SLC35E2B: variants seen among roughly 807,000 people sequenced by gnomAD.
SLC35E2B encodes solute carrier family 35, member E2B.
Under a neutral mutation model 32.4 loss-of-function variants are expected in SLC35E2B, and 18 were observed. The observed-to-expected ratio is 0.56, with a 90% confidence interval of 0.38 to 0.82. The LOEUF is 0.82. SLC35E2B is among the 40% of genes least tolerant of loss of function. SLC35E2B has a pLI of 0.00. For missense variants in SLC35E2B, 263 were observed against 469.5 expected, an observed-to-expected ratio of 0.56 and a Z score of 4.06; for synonymous variants, 132 against 209.1, an observed-to-expected ratio of 0.63 and a Z score of 3.18.
In SLC35E2B at chr1:1,665,846, G is replaced by C; in HGVS notation, c.1154C>G (p.Thr385Ser). The change falls in exon 10 of 10, where the codon ACT becomes AGT. Residue 385 changes from threonine to serine, a missense_variant. Thr to Ser is a moderately conservative substitution (Grantham distance 58). This residue lies in a region of SLC35E2B where 78 missense variants were observed against 71.1 expected (regional missense o/e 1.10). Coordinates refer to ENST00000617444, the MANE Select transcript of SLC35E2B (RefSeq NM_001290264.2). ...CACTGTGTCGTCTGGGGCCCGGCCA[G>C]TGGCTGCAGCCAGGCTCTGCAGCGC... ...QEALQSLAAA[T>S]GRAPDDTVEP... 2.6e-6 allele frequency: 4 copies of C among 1,550,772 alleles called. No homozygotes were observed. The highest frequency in any genetic ancestry group is 8.7e-7 in the Non-Finnish European group (1 of 1,146,986).
At chr1:1,678,560 G>C (rs1020516562) in intron 2 of SLC35E2B, among the ~76,000 whole-genome samples, 1 of 152,038 alleles carries the variant, frequency 6.6e-6, no homozygotes, top group African/African-American at 2.4e-5. Context: ...TGTGTGCCCT[G>C]ACCCCTCGGT....
At chr1:1,669,035 AGCACTTCCACTGCTGGGTATACAC>A (rs1383811433) in intron 8 of SLC35E2B, among the ~76,000 whole-genome samples, 1 of 152,002 alleles carries the variant, frequency 6.6e-6, no homozygotes, top group Non-Finnish European at 1.5e-5. Context: ...TATATAATCC[AGCACTTCCACTGCTGGGTATACAC>A]GCACAAGAAC....
chr1:1,679,445 C>T (rs968757558), intron 2 of SLC35E2B, among the ~76,000 whole-genome samples: 3 of 152,126 alleles, frequency 2.0e-5, no homozygotes, highest in African/African-American at 7.2e-5. Context: ...GCAGCCCAGT[C>T]CCCACCCTAA....
rs1432822375 is a variant in SLC35E2B at position 1,664,416 on chromosome 1, C to G, written c.*1366G>C. 1.1e-6 allele frequency: 1 copy of G among 882,138 alleles called. No individual in the cohort carries two copies. The highest frequency in any genetic ancestry group is 1.4e-6 in the Non-Finnish European group (1 of 735,746). 54.6% of individuals were successfully genotyped at this position (882,138 alleles called of 1,614,324 possible). A position where few individuals can be genotyped will look rare whatever the true frequency, so the allele number is the denominator to read the frequency against. On this transcript the variant is annotated 3_prime_UTR_variant, in exon 10 of 10. Transcript: ENST00000617444. ...AAAGAGCAGGCAGGGAAATGAGACT[C>G]GGGACCACTGGAGCCCCATGCTGCC...
At chr1:1,671,300 C>G (rs867285566) in intron 6 of SLC35E2B, 2 of 451,942 alleles carry the variant, frequency 4.4e-6, no homozygotes, top group South Asian at 5.5e-5. Context: ...TTTTAAGTAC[C>G]AAGACCGTCC....
At chr1:1,675,700 C>T (rs1643828327) in intron 4 of SLC35E2B, 110 bp from the exon 5 acceptor site, 1 of 923,756 alleles carries the variant, frequency 1.1e-6, no homozygotes, top group Non-Finnish European at 1.5e-6. Context: ...CGGCCCCTCT[C>T]CGCCCACCTC....
chr1:1,690,112 T>C (rs1570351086), intron 2 of SLC35E2B, among the ~76,000 whole-genome samples: 1 of 149,624 alleles, frequency 6.7e-6, no homozygotes, highest in African/African-American at 2.5e-5. Flanking sequence ...AGAAACCCCA[T>C]CTCTACTAAA....
At chr1:1,673,738 G>A (rs1242755130) in intron 5 of SLC35E2B, among the ~76,000 whole-genome samples, 4 of 151,650 alleles carry the variant, frequency 2.6e-5, no homozygotes, top group Non-Finnish European at 2.9e-5. Context: ...TGAGGCGTGC[G>A]GATCAACGAG....
chr1:1,672,171 G>A (rs1643711907), intron 5 of SLC35E2B: 1 of 152,596 alleles, frequency 6.6e-6, no homozygotes, highest in Non-Finnish European at 1.5e-5. Context: ...CAAGAACAGG[G>A]CTGAGCAAAG....
In SLC35E2B at chr1:1,665,859, G is replaced by T; in HGVS notation, c.1141C>A (p.Leu381Met). The change falls in exon 10 of 10, where the codon CTG becomes ATG. Residue 381 changes from leucine to methionine, a missense_variant. Transcript: ENST00000617444. Reference sequence around the variant, plus strand: ...GGGGCCCGGCCAGTGGCTGCAGCCAGGCTCTGCAGCGCCTCCTGCTGGTGT... The same window carrying T: ...GGGGCCCGGCCAGTGGCTGCAGCCATGCTCTGCAGCGCCTCCTGCTGGTGT... ...RQHQQEALQS[L>M]AAATGRAPDD... 6.4e-7 allele frequency: 1 copy of T among 1,550,828 alleles called. No individual in the cohort carries two copies.
At chr1:1,675,282 G>A (rs1480154629) in intron 5 of SLC35E2B, among the ~76,000 whole-genome samples, 181 bp downstream of exon 5, 2 of 150,374 alleles carry the variant, frequency 1.3e-5, no homozygotes, top group Admixed American at 6.6e-5. Context: ...CCTGGCAGAC[G>A]CCAGGCTCCA....
chr1:1,669,644 C>T lies in SLC35E2B; in HGVS notation c.834+20G>A, dbSNP rs146284611. On this transcript the variant is annotated intron_variant, in intron 8 of 9. Transcript: ENST00000617444. Reference sequence around the variant, plus strand: ...GGCAGCCCGGCAAGTAAGGACGGGACGCCTGTGTCTGAAACCCACCGTAAA... The same window carrying T: ...GGCAGCCCGGCAAGTAAGGACGGGATGCCTGTGTCTGAAACCCACCGTAAA... 266 of 1,514,552 alleles carry T rather than the reference C, an allele frequency of 1.8e-4. 2 individuals carry two copies. The African/African-American group carries it at 2.8e-3, about 16-fold the overall frequency. The allele number at this position is 1,514,552 out of a possible 1,614,324, so 93.8% of individuals were successfully genotyped here.
In SLC35E2B at chr1:1,671,410, T is replaced by G; in HGVS notation, c.707+99A>C. 2.4e-6 allele frequency: 3 copies of G among 1,273,170 alleles called. No homozygotes were observed. The South Asian group carries it at 7.2e-5, about 31-fold the overall frequency. The allele number at this position is 1,273,170 out of a possible 1,614,324, so 78.9% of individuals were successfully genotyped here. The stretch of plus-strand genomic sequence containing the variant: ...CAGCATTGGACGCACCTGCTTTGGC[T>G]CACGGGAGGAATTCTCAGCTCACCT... On this transcript the variant is annotated intron_variant, in intron 6 of 9. Coordinates refer to ENST00000617444, the MANE Select transcript of SLC35E2B (RefSeq NM_001290264.2).
chr1:1,683,887 G>A (rs1643921594), intron 2 of SLC35E2B, among the ~76,000 whole-genome samples: 1 of 152,164 alleles, frequency 6.6e-6, no homozygotes, highest in African/African-American at 2.4e-5. Context: ...GAGCACAAGT[G>A]CAAAACATCA....
At chr1:1,680,170 G>A (rs954447288) in intron 2 of SLC35E2B, among the ~76,000 whole-genome samples, 2 of 151,724 alleles carry the variant, frequency 1.3e-5, no homozygotes, top group South Asian at 4.2e-4. Context: ...GCATGGTGGT[G>A]CATGTCTGTA....
intron 7 of SLC35E2B, 44 bp from the exon 8 acceptor site, chr1:1,669,780 C>G (rs1355351793): frequency 6.5e-7 from 1 of 1,540,930 alleles, no homozygotes; most frequent in Admixed American, 2.0e-5. Flanking sequence ...TCGGGACAGG[C>G]CGAGTTCACA....
At chr1:1,689,685 C>T (rs1255938511) in intron 2 of SLC35E2B, among the ~76,000 whole-genome samples, 2 of 151,460 alleles carry the variant, frequency 1.3e-5, no homozygotes, top group African/African-American at 2.4e-5. Flanking sequence ...TTCTGTTTCA[C>T]CAAAGTACAC....
chr1:1,678,227 G>A (rs2101107615), intron 2 of SLC35E2B, among the ~76,000 whole-genome samples: 1 of 152,150 alleles, frequency 6.6e-6, no homozygotes, highest in East Asian at 1.9e-4. Flanking sequence ...TTGCGTGCGT[G>A]CCATATGTAT....
At chr1:1,675,713 C>T in intron 4 of SLC35E2B, 123 bp from the exon 5 acceptor site, 7 of 826,510 alleles carry the variant, frequency 8.5e-6, no homozygotes, top group Non-Finnish European at 1.1e-5. Context: ...CCCACCTCCT[C>T]ATCACCAACA....
Sources: gnomAD v4.1 joint callset for allele counts (sites outside exome capture counted in the v4.1 genomes callset) on GRCh38, gnomAD v4.1.1 for gene constraint, gnomAD v4.1.1 regional missense constraint, MANE v1.5 for transcripts, NCBI Gene and HGNC (gene_info 2026-07-23, HGNC 2026-07-21) for gene names.